FRMD5: variants seen among roughly 807,000 people sequenced by gnomAD.
FRMD5 encodes FERM domain-containing protein 5.
In FRMD5, 20 loss-of-function variants were observed where a neutral mutation model predicts 69.0. The observed-to-expected ratio is 0.29, with a 90% CI of 0.20 to 0.42. The LOEUF is 0.42. Ranked by LOEUF, FRMD5 falls within the 10% of genes least tolerant of loss-of-function variation. The probability of loss-of-function intolerance (pLI) is 1.00; values close to 1 mark genes in which losing one functional copy is unlikely to be tolerated. For synonymous variants in FRMD5, 271 were observed against 260.1 expected, an observed-to-expected ratio of 1.04 and a Z score of -0.40; for missense variants, 595 against 708.6, an observed-to-expected ratio of 0.84 and a Z score of 1.82.
chr15:43,906,839 G>A (rs912959653), intron 5 of FRMD5, among the ~76,000 whole-genome samples: 4 of 151,266 alleles, frequency 2.6e-5, no homozygotes, highest in Admixed American at 2.0e-4. Flanking sequence ...CTGACCTCGT[G>A]ATCCGCCCGC....
intron 1 of FRMD5, among the ~76,000 whole-genome samples, chr15:43,991,398 G>A (rs1337685282): frequency 6.6e-6 from 1 of 152,286 alleles, no homozygotes; most frequent in Non-Finnish European, 1.5e-5. Context: ...CCACAGCATC[G>A]GTGCATCCAT....
intron 4 of FRMD5, chr15:43,918,892 C>T (rs903843351): frequency 1.8e-5 from 3 of 165,610 alleles, no homozygotes; most frequent in Admixed American, 1.7e-4. Flanking sequence ...TTTTCATCCT[C>T]AAGTGGCGCT....
Position 43,973,086 on chromosome 15 carries a change from G to C in FRMD5, c.103-48777C>G, listed in dbSNP as rs142871316. Among the ~76,000 whole-genome samples the C allele has an allele frequency of 3.7e-3, 557 of 152,036 alleles. 6 individuals are homozygous for C. The highest frequency in any genetic ancestry group is 2.5e-3 in the Non-Finnish European group (169 of 67,970). On this transcript the variant is annotated intron_variant, in intron 1 of 13. Transcript: ENST00000417257. ...CCTCCAGGCTGGAGTGCAGTGGCGC[G>C]ATCTCGGCTCACTGCAAGCACTGCC...
At chr15:44,173,638 G>A (rs1385754177) in intron 1 of FRMD5, among the ~76,000 whole-genome samples, 2 of 152,058 alleles carry the variant, frequency 1.3e-5, no homozygotes, top group Non-Finnish European at 1.5e-5. Flanking sequence ...AGCCTCCCGA[G>A]TAGCTGGGAC....
intron 1 of FRMD5, among the ~76,000 whole-genome samples, chr15:44,107,989 G>A (rs975074165): frequency 9.9e-5 from 15 of 152,126 alleles, no homozygotes; most frequent in Non-Finnish European, 2.2e-4. Context: ...GTAGTCATGT[G>A]CACTGAGGTC....
At chr15:43,888,293 C>A in intron 9 of FRMD5, 27 bp from the exon 10 acceptor site, 1 of 1,503,458 alleles carries the variant, frequency 6.7e-7, no homozygotes, top group Non-Finnish European at 9.3e-7. Flanking sequence ...ATTGATATGG[C>A]TGAGTGTGGA....
chr15:43,916,111 A>T (rs1181732961), intron 4 of FRMD5, among the ~76,000 whole-genome samples: 1 of 152,192 alleles, frequency 6.6e-6, no homozygotes, highest in Admixed American at 6.5e-5. Context: ...AACGCTGGTG[A>T]GGTTGAGAGA....
At chr15:44,196,026 A>G (rs1320922821), upstream of FRMD5, among the ~76,000 whole-genome samples, 4 of 152,172 alleles carry the variant, frequency 2.6e-5, no homozygotes, top group Admixed American at 2.6e-4. Flanking sequence ...ATAGAACAAC[A>G]TAGTATGTCA....
At chr15:44,195,650 G>C (rs1462102167), upstream of FRMD5, among the ~76,000 whole-genome samples, 1 of 152,236 alleles carries the variant, frequency 6.6e-6, no homozygotes, top group African/African-American at 2.4e-5. Flanking sequence ...TTGGGAGCCG[G>C]AGCGAGGAGG....
At chr15:43,998,709 T>C (rs1480770750) in intron 1 of FRMD5, among the ~76,000 whole-genome samples, 2 of 152,250 alleles carry the variant, frequency 1.3e-5, no homozygotes, top group Admixed American at 6.5e-5. Context: ...CAGAGGATTC[T>C]ATCCCTGGCA....
chr15:43,987,241 A>G (rs1263565732), intron 1 of FRMD5, among the ~76,000 whole-genome samples: 1 of 152,242 alleles, frequency 6.6e-6, no homozygotes, highest in East Asian at 1.9e-4. Flanking sequence ...AGAAATGATT[A>G]AGCTTAATGA....
At chr15:44,163,801 C>T (rs2077662008) in intron 1 of FRMD5, among the ~76,000 whole-genome samples, 1 of 152,334 alleles carries the variant, frequency 6.6e-6, no homozygotes, top group African/African-American at 2.4e-5. Flanking sequence ...TCCCTCTCTT[C>T]TCTCTGTTCT....
chr15:44,041,409 G>A (rs1180055216), intron 1 of FRMD5, among the ~76,000 whole-genome samples: 1 of 151,292 alleles, frequency 6.6e-6, no homozygotes, highest in East Asian at 1.9e-4. Flanking sequence ...ACCACATTGC[G>A]CTTATTCTAA....
At chr15:43,922,632 C>A (rs757622531) in intron 2 of FRMD5, among the ~76,000 whole-genome samples, 1 of 151,262 alleles carries the variant, frequency 6.6e-6, no homozygotes, top group East Asian at 1.9e-4. Flanking sequence ...TACCACCACT[C>A]TAGGGGATGA....
intron 1 of FRMD5, among the ~76,000 whole-genome samples, chr15:44,114,396 A>C (rs1566953014): frequency 6.6e-6 from 1 of 152,196 alleles, no homozygotes; most frequent in South Asian, 2.1e-4. Context: ...GTGTTCACCA[A>C]GCCACTTTCT....
At chr15:44,010,814 T>C (rs1285730176) in intron 1 of FRMD5, among the ~76,000 whole-genome samples, 8 of 152,068 alleles carry the variant, frequency 5.3e-5, no homozygotes, top group African/African-American at 1.7e-4. Flanking sequence ...CCATATAGCT[T>C]TTATGCTGGG....
intron 1 of FRMD5, among the ~76,000 whole-genome samples, chr15:44,031,443 G>A (rs1891678582): frequency 6.6e-6 from 1 of 152,126 alleles, no homozygotes; most frequent in African/African-American, 2.4e-5. Context: ...AGATTAAGGT[G>A]CCAGCCATTC....
chr15:43,896,152 G>A (rs1007064945), intron 7 of FRMD5, among the ~76,000 whole-genome samples: 4 of 152,088 alleles, frequency 2.6e-5, no homozygotes, highest in African/African-American at 7.2e-5. Flanking sequence ...TAGCTATGCC[G>A]TGGATATCGC....
chr15:44,191,865 T>A (rs2078198692), intron 1 of FRMD5, among the ~76,000 whole-genome samples: 1 of 142,246 alleles, frequency 7.0e-6, no homozygotes, highest in African/African-American at 2.6e-5. Context: ...TTTCTCCAAA[T>A]AACAAAGTAA....
Sources: allele counts gnomAD v4.1 joint callset (sites outside exome capture counted in the v4.1 genomes callset), GRCh38; gene constraint gnomAD v4.1.1; transcripts MANE v1.5; gene names NCBI Gene and HGNC (gene_info 2026-07-23, HGNC 2026-07-21).